EVA1C: variants seen among roughly 807,000 people sequenced by gnomAD.
EVA1C encodes the protein protein eva-1 homolog C.
Under a neutral mutation model 45.4 loss-of-function variants are expected in EVA1C, and 25 were observed. The observed-to-expected ratio is 0.55, with a 90% CI of 0.40 to 0.77. EVA1C has a LOEUF of 0.77. Ranked by LOEUF, EVA1C falls within the 30% of genes least tolerant of loss-of-function variation. EVA1C has a pLI of 0.00. For synonymous variants in EVA1C, 190 were observed against 221.2 expected (o/e 0.86, Z 1.25); for missense variants, 479 against 554.8 (o/e 0.86, Z 1.37).
intron 1 of EVA1C, among the ~76,000 whole-genome samples, chr21:32,450,624 C>G (rs1391872918): frequency 2.0e-5 from 3 of 152,104 alleles, no homozygotes; most frequent in Non-Finnish European, 4.4e-5. Context: ...CTAGGGGTAG[C>G]ATCAGGGTGA....
chr21:32,459,332 C>T (rs1423407430), intron 3 of EVA1C, among the ~76,000 whole-genome samples: 2 of 152,220 alleles, frequency 1.3e-5, no homozygotes, highest in South Asian at 2.1e-4. Flanking sequence ...ACCCTCCCTC[C>T]GCCCCTAGGC....
chr21:32,474,115 T>C lies in EVA1C; in HGVS notation c.634+6267T>C, dbSNP rs182522817. 7.1e-4 allele frequency: 165 copies of C among 232,538 alleles called. No individual in the cohort carries two copies. The highest frequency in any genetic ancestry group is 1.0e-3 in the Non-Finnish European group (146 of 141,832). 14.4% of individuals were successfully genotyped at this position (232,538 alleles called of 1,614,324 possible). A position where few individuals can be genotyped will look rare whatever the true frequency, so the allele number is the denominator to read the frequency against. On this transcript the variant is annotated intron_variant, in intron 4 of 7. Transcript: ENST00000300255. The surrounding 1 kb of genome is among the most constrained non-coding windows in gnomAD (Gnocchi z 4.4). ...GCATGGTGGAGATGAAGTCTTGCTA[T>C]TTTGCCCAGGCTGGTCTTCAACTCC...
At chr21:32,442,360 C>T (rs957851705) in intron 1 of EVA1C, among the ~76,000 whole-genome samples, 1 of 152,108 alleles carries the variant, frequency 6.6e-6, no homozygotes, top group African/African-American at 2.4e-5. Flanking sequence ...AGAGGAAGGA[C>T]TTAAACTCAT....
In EVA1C at chr21:32,457,692, C is replaced by T. The variant is rs769268219; in HGVS notation, c.453C>T (p.Tyr151=). The stretch of plus-strand genomic sequence containing the variant: ...ACCTTTGTCCAGGAAGCAGTAAATA[C>T]CTCCTGGTCTCCTTTAAATGCCAAC... ...GPDLCPGSSK[Y]LLVSFKCQPN... Residue 151 remains tyrosine, a synonymous_variant, in exon 3 of 8, where the codon TAC becomes TAT. Transcript: ENST00000300255. 6.2e-7 allele frequency: 1 copy of T among 1,614,154 alleles called. No individual in the cohort carries two copies. The highest frequency in any genetic ancestry group is 1.7e-5 in the Admixed American group (1 of 60,012).
intron 2 of EVA1C, among the ~76,000 whole-genome samples, chr21:32,454,955 A>G (rs950179438): frequency 2.0e-5 from 3 of 152,170 alleles, no homozygotes; most frequent in African/African-American, 7.2e-5. Context: ...CATGGTTTCT[A>G]TACCTTGAGG....
chr21:32,507,510 G>A (rs1219242679), intron 7 of EVA1C, among the ~76,000 whole-genome samples: 1 of 151,458 alleles, frequency 6.6e-6, no homozygotes, highest in Non-Finnish European at 1.5e-5. Context: ...GTCTGTATCT[G>A]TGTGCATGTG....
intron 1 of EVA1C, among the ~76,000 whole-genome samples, chr21:32,413,720 A>G (rs1368787888): frequency 1.3e-5 from 2 of 152,226 alleles, no homozygotes; most frequent in Non-Finnish European, 2.9e-5. Flanking sequence ...GTGACGCCCC[A>G]AAGTGAAAGG....
At chr21:32,470,878 C>T (rs2036346451) in intron 4 of EVA1C, among the ~76,000 whole-genome samples, 3 of 151,938 alleles carry the variant, frequency 2.0e-5, no homozygotes, top group Admixed American at 1.3e-4. Flanking sequence ...CCTGCCTCAG[C>T]CTCAGGAGTA....
intron 7 of EVA1C, among the ~76,000 whole-genome samples, chr21:32,510,289 A>C (rs765127175): frequency 1.3e-5 from 2 of 152,016 alleles, no homozygotes; most frequent in Admixed American, 1.3e-4. Flanking sequence ...TCCTGACCTC[A>C]AGTGATCCGC....
intron 1 of EVA1C, among the ~76,000 whole-genome samples, chr21:32,419,315 G>A (rs975371893): frequency 3.3e-5 from 5 of 152,098 alleles, no homozygotes; most frequent in African/African-American, 7.2e-5. Context: ...TTGCTCCCTC[G>A]TTACCCACCC....
chr21:32,511,419 C>CCA (rs2037944291), intron 7 of EVA1C, among the ~76,000 whole-genome samples: 1 of 47,602 alleles, frequency 2.1e-5, no homozygotes, highest in Non-Finnish European at 3.8e-5. Context: ...AACTCCGTCT[C>CCA]AAAAAAAAAA....
chr21:32,468,542 A>G (rs994659978), intron 4 of EVA1C, among the ~76,000 whole-genome samples: 1 of 151,990 alleles, frequency 6.6e-6, no homozygotes, highest in African/African-American at 2.4e-5. Context: ...AATTTACACG[A>G]TCACAGGTCC....
chr21:32,511,233 T>C (rs1162931742), intron 7 of EVA1C, among the ~76,000 whole-genome samples: 3 of 151,802 alleles, frequency 2.0e-5, no homozygotes, highest in Non-Finnish European at 2.9e-5. Context: ...CTGGCCAACA[T>C]GGCAAACCCC....
chr21:32,436,755 G>T (rs2034968688), intron 1 of EVA1C, among the ~76,000 whole-genome samples: 1 of 152,278 alleles, frequency 6.6e-6, no homozygotes, highest in Non-Finnish European at 1.5e-5. Context: ...AAGATTCTAT[G>T]CTCAGGGCAC....
At chr21:32,468,235 G>A (rs753005282) in intron 4 of EVA1C, among the ~76,000 whole-genome samples, 11 of 151,944 alleles carry the variant, frequency 7.2e-5, no homozygotes, top group Non-Finnish European at 1.5e-4. Context: ...CAGGCATGGT[G>A]GCGGGCACCT....
At chr21:32,496,301 G>T (rs2037350924) in intron 5 of EVA1C, among the ~76,000 whole-genome samples, 1 of 152,102 alleles carries the variant, frequency 6.6e-6, no homozygotes, top group Non-Finnish European at 1.5e-5. Flanking sequence ...TGTTTTCAAG[G>T]TTCGTACATG....
intron 4 of EVA1C, among the ~76,000 whole-genome samples, chr21:32,487,478 G>A (rs1207251898): frequency 6.6e-6 from 1 of 152,130 alleles, no homozygotes; most frequent in Non-Finnish European, 1.5e-5. Flanking sequence ...CCTGTATTTT[G>A]GGAGGCCAAG....
rs200480714 is a variant in EVA1C at position 32,466,491 on chromosome 21, TA to T, written c.482-1194del. ...TTAAATGGTTTTGGAGTACATTCTTTAAAAAAAAAAATAAACTGTGTTTTCT... is the reference window on the plus strand; with the variant it reads ...TTAAATGGTTTTGGAGTACATTCTTTAAAAAAAAAATAAACTGTGTTTTCT... On this transcript the variant is annotated intron_variant, in intron 3 of 7. Transcript: ENST00000300255. Among the ~76,000 whole-genome samples, 1,168 of 144,556 alleles carry T rather than the reference TA, an allele frequency of 8.1e-3. 19 individuals carry two copies. Among genetic ancestry groups the T allele is most frequent in the Admixed American group, 0.039 (544 of 14,104 alleles). The allele number at this position is 144,556 out of a possible 152,430, so 94.8% of individuals were successfully genotyped here.
chr21:32,431,913 A>T (rs959835211), intron 1 of EVA1C, among the ~76,000 whole-genome samples: 2 of 152,316 alleles, frequency 1.3e-5, no homozygotes, highest in East Asian at 3.9e-4. Context: ...TATGGACCTC[A>T]TTCAGATTTT....
Sources: gnomAD v4.1 joint callset for allele counts (sites outside exome capture counted in the v4.1 genomes callset) on GRCh38, gnomAD v4.1.1 for gene constraint, Gnocchi (gnomAD v3.1) non-coding constraint, MANE v1.5 for transcripts, NCBI Gene and HGNC (gene_info 2026-07-23, HGNC 2026-07-21) for gene names.